Variants in LMX1A observed in about 807,000 individuals in gnomAD.
LMX1A encodes the protein LIM homeobox transcription factor 1 alpha, also known as LIM homeobox transcription factor 1-alpha.
Under a neutral mutation model 49.1 loss-of-function variants are expected in LMX1A, and 15 were observed. The ratio of observed to expected loss-of-function variants is 0.31; its 90% confidence interval spans 0.20 to 0.47. The LOEUF (loss-of-function observed/expected upper bound fraction) is 0.47. Among genes scored for constraint, LMX1A ranks in the 20% least tolerant of loss-of-function variants. The pLI, the probability that LMX1A is intolerant of heterozygous loss-of-function variation, is 1.00. For missense variants in LMX1A, 372 were observed against 475.8 expected (o/e 0.78, Z 2.03); for synonymous variants, 167 against 185.7 (o/e 0.90, Z 0.82).
chr1:165,227,367 A>T (rs1652071612), intron 4 of LMX1A, among the ~76,000 whole-genome samples: 1 of 152,102 alleles, frequency 6.6e-6, no homozygotes, highest in Non-Finnish European at 1.5e-5. Context: ...GCGAAACCCC[A>T]TCTCTACTAA....
chr1:165,216,842 A>T (rs2102607264), intron 4 of LMX1A, among the ~76,000 whole-genome samples: 1 of 152,312 alleles, frequency 6.6e-6, no homozygotes, highest in East Asian at 1.9e-4. Flanking sequence ...TTCAGGCTTA[A>T]ATTCTAGCTC....
At chr1:165,236,806 C>A (rs1437068122) in intron 4 of LMX1A, among the ~76,000 whole-genome samples, 1 of 150,600 alleles carries the variant, frequency 6.6e-6, no homozygotes, top group Non-Finnish European at 1.5e-5. Context: ...CCAGGCTGCA[C>A]CCCAGACCAT....
chr1:165,347,367 G>A (rs1199286342), intron 3 of LMX1A, among the ~76,000 whole-genome samples: 1 of 152,198 alleles, frequency 6.6e-6, no homozygotes, highest in African/African-American at 2.4e-5. Flanking sequence ...GTATTCCTAA[G>A]AGGAAGCCTC....
At chr1:165,242,643 G>A (rs1439805620) in intron 4 of LMX1A, among the ~76,000 whole-genome samples, 2 of 151,526 alleles carry the variant, frequency 1.3e-5, no homozygotes, top group African/African-American at 2.4e-5. Flanking sequence ...TTGGGAGGCT[G>A]AGGCGGGCAG....
intron 5 of LMX1A, chr1:165,212,850 G>A (rs1414756118): frequency 6.6e-6 from 1 of 152,190 alleles, no homozygotes; most frequent in Admixed American, 6.5e-5. Context: ...AGGAAGTGTG[G>A]CCACAGGACT....
intron 4 of LMX1A, among the ~76,000 whole-genome samples, chr1:165,232,609 G>A (rs1055448525): frequency 2.0e-5 from 3 of 152,160 alleles, no homozygotes; most frequent in African/African-American, 4.8e-5. Context: ...GTTGTAGCTG[G>A]TCATATAAGA....
At chr1:165,213,914 G>A (rs766187132) in intron 4 of LMX1A, 101 bp from the exon 5 acceptor site, 2 of 1,028,110 alleles carry the variant, frequency 1.9e-6, no homozygotes, top group African/African-American at 1.6e-5. Context: ...TTCCAGGATG[G>A]CTTTATGTAT....
At chr1:165,303,364 T>C (rs899689012) in intron 3 of LMX1A, among the ~76,000 whole-genome samples, 4 of 152,218 alleles carry the variant, frequency 2.6e-5, no homozygotes, top group Non-Finnish European at 5.9e-5. Flanking sequence ...AGAAGTGGCA[T>C]CTTACTTCTT....
At chr1:165,217,430 T>C (rs1651682229) in intron 4 of LMX1A, among the ~76,000 whole-genome samples, 3 of 152,140 alleles carry the variant, frequency 2.0e-5, no homozygotes, top group Admixed American at 2.0e-4. Context: ...TTGGGGCCTA[T>C]TTTTAGGGGA....
At chr1:165,224,942 C>T (rs1345866345) in intron 4 of LMX1A, among the ~76,000 whole-genome samples, 3 of 152,168 alleles carry the variant, frequency 2.0e-5, no homozygotes, top group Non-Finnish European at 4.4e-5. Flanking sequence ...CATTAGTACC[C>T]ATCCAGTTAT....
intron 3 of LMX1A, among the ~76,000 whole-genome samples, chr1:165,331,046 C>G (rs1216270582): frequency 1.3e-5 from 2 of 152,270 alleles, no homozygotes; most frequent in East Asian, 3.9e-4. Flanking sequence ...TATAAATATT[C>G]TTTGAATGAA....
At chr1:165,212,894 T>A (rs758248063) in intron 5 of LMX1A, 1 of 152,186 alleles carries the variant, frequency 6.6e-6, no homozygotes, top group Non-Finnish European at 1.5e-5. Context: ...GAGAAATGAT[T>A]TGAGCAACCC....
chr1:165,291,298 A>T (rs1375196734), intron 3 of LMX1A, among the ~76,000 whole-genome samples: 1 of 152,242 alleles, frequency 6.6e-6, no homozygotes, highest in Non-Finnish European at 1.5e-5. Context: ...TGATGATGAA[A>T]ATGGAGAAAC....
At chr1:165,279,366 C>T (rs535731705) in intron 3 of LMX1A, among the ~76,000 whole-genome samples, 5 of 152,314 alleles carry the variant, frequency 3.3e-5, no homozygotes, top group African/African-American at 9.6e-5. Context: ...CCAGAGTGCC[C>T]AGCTCAGCAC....
intron 3 of LMX1A, among the ~76,000 whole-genome samples, chr1:165,309,570 T>A (rs771269885): frequency 1.3e-5 from 2 of 152,234 alleles, no homozygotes; most frequent in Non-Finnish European, 2.9e-5. Flanking sequence ...AGCCAAGATC[T>A]GCCCAATCCT....
At chr1:165,319,252 C>A (rs1358627775) in intron 3 of LMX1A, among the ~76,000 whole-genome samples, 1 of 152,022 alleles carries the variant, frequency 6.6e-6, no homozygotes, top group Non-Finnish European at 1.5e-5. Context: ...AGAGATACAA[C>A]TGCTGGAAAG....
intron 3 of LMX1A, among the ~76,000 whole-genome samples, chr1:165,294,703 C>A (rs1654566799): frequency 6.6e-6 from 1 of 152,222 alleles, no homozygotes; most frequent in African/African-American, 2.4e-5. Flanking sequence ...GTGGCTCATG[C>A]CTGTAATCCC....
At chr1:165,250,795 A>G (rs6694812) in intron 3 of LMX1A, among the ~76,000 whole-genome samples, 34,622 of 152,040 alleles carry the variant, frequency 0.23, 4,963 homozygotes, top group East Asian at 0.56. Flanking sequence ...GGGAGTGAGC[A>G]GGGGGTGCAT....
chr1:165,258,671 C>T (rs1228823696), intron 3 of LMX1A, among the ~76,000 whole-genome samples: 2 of 152,128 alleles, frequency 1.3e-5, no homozygotes, highest in Non-Finnish European at 2.9e-5. Flanking sequence ...ACTGGCCTCA[C>T]CAAGAAAGGC....
Sources: allele counts gnomAD v4.1 joint callset (sites outside exome capture counted in the v4.1 genomes callset), GRCh38; gene constraint gnomAD v4.1.1; transcripts MANE v1.5; gene names NCBI Gene and HGNC (gene_info 2026-07-23, HGNC 2026-07-21).